ABCC1: variants seen among roughly 807,000 people sequenced by gnomAD.
The protein encoded by ABCC1 is ATP binding cassette subfamily C member 1 (ABCC1 blood group).
In ABCC1, 83 loss-of-function variants were observed where a neutral mutation model predicts 172.9. The ratio of observed to expected loss-of-function variants is 0.48; its 90% CI spans 0.40 to 0.58. The LOEUF is 0.58. Ranked by LOEUF, ABCC1 falls within the 20% of genes least tolerant of loss-of-function variation. The pLI, the probability that ABCC1 is intolerant of heterozygous loss-of-function variation, is 0.00. For synonymous variants in ABCC1, 937 were observed against 825.2 expected, an observed-to-expected ratio of 1.14 and a Z score of -2.32; for missense variants, 1,817 against 2,002.7, an observed-to-expected ratio of 0.91 and a Z score of 1.77.
intron 1 of ABCC1, among the ~76,000 whole-genome samples, chr16:15,957,266 T>TC (rs199829201): frequency 6.8e-6 from 1 of 146,370 alleles, no homozygotes; most frequent in African/African-American, 2.7e-5. Context: ...TTTTTTTTTT[T>TC]GTAGAGATAG....
At chr16:15,970,771 A>T (rs1014084276) in intron 1 of ABCC1, among the ~76,000 whole-genome samples, 3 of 152,284 alleles carry the variant, frequency 2.0e-5, no homozygotes, top group Admixed American at 2.0e-4. Flanking sequence ...TATATATTTT[A>T]ATTTGTACAG....
intron 19 of ABCC1, among the ~76,000 whole-genome samples, chr16:16,093,604 T>C (rs1391242076): frequency 6.6e-6 from 1 of 152,164 alleles, no homozygotes; most frequent in Non-Finnish European, 1.5e-5. Flanking sequence ...TACATCAAAC[T>C]GGGGCACCCC....
chr16:16,091,059 C>G (rs1276854601), intron 19 of ABCC1, among the ~76,000 whole-genome samples: 3 of 152,072 alleles, frequency 2.0e-5, no homozygotes, highest in Non-Finnish European at 4.4e-5. Context: ...TCCCCGGCCG[C>G]TCATCTCCCC....
intron 12 of ABCC1, among the ~76,000 whole-genome samples, chr16:16,063,754 T>G (rs2050007796): frequency 6.6e-6 from 1 of 152,168 alleles, no homozygotes; most frequent in Admixed American, 6.6e-5. Context: ...GTTTCTTTAT[T>G]AGCTGGTAGT....
intron 7 of ABCC1, among the ~76,000 whole-genome samples, chr16:16,043,963 T>C (rs901363758): frequency 1.3e-5 from 2 of 152,216 alleles, no homozygotes; most frequent in African/African-American, 4.8e-5. Context: ...TTGATTCTTA[T>C]TTTTCATGAT....
intron 1 of ABCC1, among the ~76,000 whole-genome samples, chr16:15,982,243 C>T (rs993619789): frequency 3.3e-5 from 5 of 152,072 alleles, no homozygotes; most frequent in African/African-American, 1.2e-4. Context: ...ACCCCACTCC[C>T]AGTACCAATT....
intron 21 of ABCC1, among the ~76,000 whole-genome samples, chr16:16,107,532 C>T (rs149207018): frequency 1.3e-5 from 2 of 152,252 alleles, no homozygotes; most frequent in African/African-American, 4.8e-5. Flanking sequence ...TCAGGTGATC[C>T]ACCCACCTTG....
intron 1 of ABCC1, among the ~76,000 whole-genome samples, chr16:15,966,672 A>C (rs2046251353): frequency 7.0e-6 from 1 of 142,838 alleles, no homozygotes. Flanking sequence ...TTTTTTAGAG[A>C]CAGAGACTCA....
intron 1 of ABCC1, among the ~76,000 whole-genome samples, chr16:15,969,472 G>C (rs968824309): frequency 6.6e-6 from 1 of 150,940 alleles, no homozygotes; most frequent in African/African-American, 2.4e-5. Flanking sequence ...GCCAGGGTTC[G>C]AGTGATTCTC....
At chr16:15,998,577 T>C (rs2047139084) in intron 1 of ABCC1, among the ~76,000 whole-genome samples, 1 of 152,224 alleles carries the variant, frequency 6.6e-6, no homozygotes, top group Admixed American at 6.5e-5. Flanking sequence ...CCTCTCGTCA[T>C]GCCTTCCTTC....
In ABCC1 at chr16:16,045,863, G is replaced by A. The variant is rs8187853; in HGVS notation, c.1068G>A (p.Thr356=). Residue 356 remains threonine, a synonymous_variant, in exon 9 of 31, where the codon ACG becomes ACA. Coordinates refer to ENST00000399410, the MANE Select transcript of ABCC1 (RefSeq NM_004996.4). ...TGCTCATCAAGTTCGTGAATGACAC[G>A]AAGGCCCCAGACTGGCAGGGCTACT... ...LKLLIKFVND[T]KAPDWQGYFY... 5.4e-3 allele frequency: 8,728 copies of A among 1,614,126 alleles called. 343 individuals are homozygous for A. In the African/African-American group the frequency reaches 0.095, roughly 18 times the overall value.
intron 1 of ABCC1, among the ~76,000 whole-genome samples, chr16:15,998,981 CTT>C (rs2047150050): frequency 6.6e-6 from 1 of 151,560 alleles, no homozygotes; most frequent in African/African-American, 2.4e-5. Context: ...GTTTTCCTGA[CTT>C]TTAAAAAAAT....
chr16:16,080,792 CCTCTT>C (rs2050776252), intron 16 of ABCC1, among the ~76,000 whole-genome samples: 2 of 152,172 alleles, frequency 1.3e-5, no homozygotes, highest in Non-Finnish European at 2.9e-5. Context: ...CTTGTCCGCA[CCTCTT>C]TAGTGTCTGT....
chr16:15,993,135 A>G (rs1184927196), intron 1 of ABCC1, among the ~76,000 whole-genome samples: 1 of 152,192 alleles, frequency 6.6e-6, no homozygotes, highest in Non-Finnish European at 1.5e-5. Flanking sequence ...ATGAGTCTTA[A>G]GAGGACAGAG....
intron 30 of ABCC1, among the ~76,000 whole-genome samples, chr16:16,139,895 C>A (rs1441741423): frequency 6.6e-6 from 1 of 152,176 alleles, no homozygotes; most frequent in Non-Finnish European, 1.5e-5. Flanking sequence ...CAACCTTGTT[C>A]TTAAGGGCCG....
chr16:16,043,224 T>G (rs1409353102), intron 7 of ABCC1, among the ~76,000 whole-genome samples: 2 of 106,178 alleles, frequency 1.9e-5, no homozygotes, highest in Non-Finnish European at 4.4e-5. Context: ...GCTGGACTGT[T>G]TTTTTTTTTT....
At chr16:16,037,937 T>A (rs1296753762) in intron 7 of ABCC1, among the ~76,000 whole-genome samples, 1 of 152,188 alleles carries the variant, frequency 6.6e-6, no homozygotes, top group Non-Finnish European at 1.5e-5. Context: ...CCTCTGTGAC[T>A]GAGCATTGTA....
chr16:15,986,917 G>T (rs545185210), intron 1 of ABCC1, among the ~76,000 whole-genome samples: 1 of 152,154 alleles, frequency 6.6e-6, no homozygotes, highest in African/African-American at 2.4e-5. Flanking sequence ...GCTCACGCCT[G>T]TAATCCTAAG....
At chr16:16,128,421 T>G (rs1029813624) in intron 26 of ABCC1, among the ~76,000 whole-genome samples, 41 of 152,248 alleles carry the variant, frequency 2.7e-4, no homozygotes, top group African/African-American at 9.6e-4. Flanking sequence ...AGTGCTGGGA[T>G]CACAGGTGTG....
Sources: allele counts gnomAD v4.1 joint callset (sites outside exome capture counted in the v4.1 genomes callset), GRCh38; gene constraint gnomAD v4.1.1; transcripts MANE v1.5; gene names NCBI Gene and HGNC (gene_info 2026-07-23, HGNC 2026-07-21).